Variants in GTF3C1 observed in about 807,000 individuals in gnomAD.
GTF3C1 encodes the protein general transcription factor IIIC subunit 1.
GTF3C1 carries 57 observed loss-of-function variants against 226.7 expected under a neutral mutation model. The ratio of observed to expected loss-of-function variants is 0.25; its 90% CI spans 0.20 to 0.31. The LOEUF (loss-of-function observed/expected upper bound fraction) is 0.31, where lower values mean the gene tolerates loss of function less well. Ranked by LOEUF, GTF3C1 falls within the 10% of genes least tolerant of loss-of-function variation. The probability of loss-of-function intolerance (pLI) is 1.00; values close to 1 mark genes in which losing one functional copy is unlikely to be tolerated. For missense variants in GTF3C1, 2,217 were observed against 2,776.1 expected (o/e 0.80, Z 4.53); for synonymous variants, 1,090 against 1,084.8 (o/e 1.00, Z -0.09).
chr16:27,534,063 T>A (rs1345393591), intron 4 of GTF3C1, among the ~76,000 whole-genome samples: 1 of 152,124 alleles, frequency 6.6e-6, no homozygotes, highest in Non-Finnish European at 1.5e-5. Flanking sequence ...TTCTACAAAG[T>A]TAACACACTT....
intron 29 of GTF3C1, among the ~76,000 whole-genome samples, 156 bp downstream of exon 29, chr16:27,476,295 A>G (rs1415000213): frequency 6.6e-6 from 1 of 152,248 alleles, no homozygotes; most frequent in Non-Finnish European, 1.5e-5. Flanking sequence ...AAAATAAAAC[A>G]ACGATAAAAA....
chr16:27,476,360 C>T lies in GTF3C1; in HGVS notation c.4353+91G>A, dbSNP rs554747069. On this transcript the variant is annotated intron_variant, in intron 29 of 36. Transcript: ENST00000356183. ...TTTTGGGGGAATCAGCCCAAGAGCC[C>T]ACAGCGGAGAAGGGCAGGGGCCAGC... 1.7e-4 allele frequency: 129 copies of T among 763,568 alleles called. 1 individual carries two copies. In the Middle Eastern group the frequency reaches 1.7e-3, roughly 10 times the overall value. The allele number at this position is 763,568 out of a possible 1,614,324, so 47.3% of individuals were successfully genotyped here.
intron 6 of GTF3C1, among the ~76,000 whole-genome samples, chr16:27,523,826 G>A (rs1439871778): frequency 6.6e-6 from 1 of 152,184 alleles, no homozygotes; most frequent in Non-Finnish European, 1.5e-5. Context: ...AGCCGCAGCA[G>A]CAGAGAGGTG....
intron 6 of GTF3C1, 152 bp downstream of exon 6, chr16:27,528,446 C>T (rs2088865735): frequency 1.1e-5 from 7 of 651,612 alleles, no homozygotes; most frequent in South Asian, 1.9e-5. Context: ...TATGGACAGT[C>T]CTGAGCCAGG....
chr16:27,512,824 G>A (rs568959325), intron 6 of GTF3C1, among the ~76,000 whole-genome samples: 24 of 152,330 alleles, frequency 1.6e-4, no homozygotes, highest in African/African-American at 5.8e-4. Context: ...GGATGAAGAT[G>A]CTAGGGAACC....
In GTF3C1 at chr16:27,464,602, C is replaced by G. The variant is rs201376754; in HGVS notation, c.5590G>C (p.Ala1864Pro). ...TCCCCATTCTCACTGGCCCAGCTGGCGCGCCTCTTGGTGCCCCGGGGGCTG... is the reference window on the plus strand; with the variant it reads ...TCCCCATTCTCACTGGCCCAGCTGGGGCGCCTCTTGGTGCCCCGGGGGCTG... ...SHSPRGTKRRASWASENGETD... is the reference protein window; with the variant it reads ...SHSPRGTKRRPSWASENGETD... The change falls in exon 34 of 37, where the codon GCC becomes CCC. Residue 1864 changes from alanine to proline, a missense_variant. Coordinates refer to ENST00000356183, the MANE Select transcript of GTF3C1 (RefSeq NM_001520.4). 1 of 1,492,980 alleles carries G rather than the reference C, an allele frequency of 6.7e-7. No homozygotes were observed. The highest frequency in any genetic ancestry group is 8.9e-7 in the Non-Finnish European group (1 of 1,121,126). 92.5% of individuals were successfully genotyped at this position (1,492,980 alleles called of 1,614,324 possible).
At chr16:27,546,141 G>A (rs1380991343) in intron 1 of GTF3C1, among the ~76,000 whole-genome samples, 3 of 151,980 alleles carry the variant, frequency 2.0e-5, no homozygotes, top group Non-Finnish European at 4.4e-5. Context: ...GCCACCACAA[G>A]TGGCCAAAGC....
In GTF3C1 at chr16:27,461,231, G is replaced by A. The variant is rs1325765426; in HGVS notation, c.*119C>T. 13 of 653,052 alleles carry A rather than the reference G, an allele frequency of 2.0e-5. No homozygotes were observed. Among genetic ancestry groups the A allele is most frequent in the South Asian group, 1.1e-4 (6 of 53,824 alleles). 40.5% of individuals were successfully genotyped at this position (653,052 alleles called of 1,614,324 possible). On this transcript the variant is annotated 3_prime_UTR_variant, in exon 37 of 37. Coordinates refer to ENST00000356183, the MANE Select transcript of GTF3C1 (RefSeq NM_001520.4). This position sits in a 1 kb window ranked among gnomAD's most constrained non-coding sequence, Gnocchi z 5.3. ...GTCTGTGACTCTGGCCAAAGCACCC[G>A]TCCCCTGCTGCAGGAGGCTCGGCAG...
chr16:27,499,260 C>T (rs772597631), intron 12 of GTF3C1, among the ~76,000 whole-genome samples: 19 of 152,216 alleles, frequency 1.2e-4, no homozygotes, highest in African/African-American at 1.9e-4. Flanking sequence ...TTACCTTTTC[C>T]GAGCTACTGA....
At chr16:27,533,866 C>T (rs183687897) in intron 4 of GTF3C1, among the ~76,000 whole-genome samples, 119 of 152,212 alleles carry the variant, frequency 7.8e-4, no homozygotes, top group Admixed American at 2.6e-3. Context: ...ATTAGCCAGA[C>T]GTGGTGGCGG....
chr16:27,464,065 GGCCCCACC>G, intron 34 of GTF3C1: 1 of 440,402 alleles, frequency 2.3e-6, no homozygotes, highest in Non-Finnish European at 3.9e-6. Flanking sequence ...TGCACACGCT[GGCCCCACC>G]GCCTGAGCTC....
chr16:27,461,578 A>G lies in GTF3C1; in HGVS notation c.6118-16T>C. 2 of 1,584,916 alleles carry G rather than the reference A, an allele frequency of 1.3e-6. No homozygotes were observed. Among genetic ancestry groups the G allele is most frequent in the Non-Finnish European group, 1.7e-6 (2 of 1,154,494 alleles). Reference sequence around the variant, plus strand: ...ACTCCAGGCCCTGGAGACACCAGACACACAGGTTACAGCGGCACTGCCCTC... The same window carrying G: ...ACTCCAGGCCCTGGAGACACCAGACGCACAGGTTACAGCGGCACTGCCCTC... On this transcript the variant is annotated splice_polypyrimidine_tract_variant and intron_variant, in intron 36 of 36. Transcript: ENST00000356183. The surrounding 1 kb of genome is among the most constrained non-coding windows in gnomAD (Gnocchi z 5.3).
chr16:27,531,797 A>G (rs2088921549), intron 5 of GTF3C1, among the ~76,000 whole-genome samples: 1 of 152,196 alleles, frequency 6.6e-6, no homozygotes, highest in Non-Finnish European at 1.5e-5. Context: ...TGGACAAGTA[A>G]CATTAATCCA....
intron 6 of GTF3C1, among the ~76,000 whole-genome samples, chr16:27,527,273 C>T (rs538109834): frequency 6.6e-6 from 1 of 152,284 alleles, no homozygotes; most frequent in African/African-American, 2.4e-5. Context: ...CCTCTGCCTC[C>T]CAGGTTCAAG....
chr16:27,478,496 T>G lies in GTF3C1; in HGVS notation c.4232A>C (p.Gln1411Pro), dbSNP rs780410543. 9 of 1,611,922 alleles carry G rather than the reference T, an allele frequency of 5.6e-6. No homozygotes were observed. In the South Asian group the frequency reaches 7.7e-5, roughly 14 times the overall value. The change falls in exon 28 of 37, where the codon CAA becomes CCA. Residue 1411 changes from glutamine (Q) to proline (P), a missense_variant. By Grantham distance (76) the Gln-to-Pro change is moderately conservative. Around this residue, in one of 12 missense-constraint regions of GTF3C1, gnomAD observed 546 missense variants for 663.0 expected, o/e 0.82. Transcript: ENST00000356183. The stretch of plus-strand genomic sequence containing the variant: ...GTTAAGTTCATCCTCTTTCCTGGTT[T>G]GATCTTTTTCATCCCCAATTGCCAA... ...RVLAIGDEKD[Q>P]TRKEDELNSV... is the part of the protein sequence containing the mutation.
intron 6 of GTF3C1, 143 bp downstream of exon 6, chr16:27,528,455 G>C: frequency 1.5e-6 from 1 of 681,034 alleles, no homozygotes; most frequent in Non-Finnish European, 2.5e-6. Context: ...TCCTGAGCCA[G>C]GCACTGAGGC....
chr16:27,546,648 G>GAGGTT (rs2089169197), intron 1 of GTF3C1, among the ~76,000 whole-genome samples: 1 of 151,882 alleles, frequency 6.6e-6, no homozygotes, highest in South Asian at 2.1e-4. Flanking sequence ...GCTGCTTGTC[G>GAGGTT]AGTTTTATTT....
intron 28 of GTF3C1, 121 bp from the exon 29 acceptor site, chr16:27,476,665 C>T: frequency 1.5e-6 from 1 of 647,504 alleles, no homozygotes; most frequent in Non-Finnish European, 2.8e-6. Flanking sequence ...CAAAACTATT[C>T]ACAAAAGAAA....
chr16:27,470,246 A>G lies in GTF3C1; in HGVS notation c.4676T>C (p.Phe1559Ser). The G allele has an allele frequency of 6.2e-7, 1 of 1,614,086 alleles. No individual in the cohort carries two copies. Among genetic ancestry groups the G allele is most frequent in the Non-Finnish European group, 8.5e-7 (1 of 1,179,918 alleles). Reference protein sequence around the residue: ...NNEPTNDMVAFSLDGPGGNCV... With the variant: ...NNEPTNDMVASSLDGPGGNCV... ...ATTTCCTCCAGGGCCGTCCAGTGAA[A>G]AGGCCACCATGTCGTTTGTGGGCTC... Residue 1559 changes from phenylalanine (F) to serine (S), a missense_variant, in exon 31 of 37, where the codon TTT becomes TCT. Phe to Ser is a radical substitution (Grantham distance 155). Transcript: ENST00000356183. This position sits in a 1 kb window ranked among gnomAD's most constrained non-coding sequence, Gnocchi z 4.9.
Sources: gnomAD v4.1 joint callset for allele counts (sites outside exome capture counted in the v4.1 genomes callset) on GRCh38, gnomAD v4.1.1 for gene constraint, gnomAD v4.1.1 regional missense constraint, Gnocchi (gnomAD v3.1) non-coding constraint, MANE v1.5 for transcripts, NCBI Gene and HGNC (gene_info 2026-07-23, HGNC 2026-07-21) for gene names.